CYREN: variants seen among roughly 807,000 people sequenced by gnomAD.
CYREN encodes the protein cell cycle regulator of NHEJ.
In CYREN, 7 loss-of-function variants were observed where a neutral mutation model predicts 9.7. The ratio of observed to expected loss-of-function variants is 0.72; its 90% CI spans 0.41 to 1.36. The LOEUF (loss-of-function observed/expected upper bound fraction) is 1.36, where lower values mean the gene tolerates loss of function less well. Among genes scored for constraint, CYREN ranks in the 40% most tolerant of loss-of-function variants. The probability of loss-of-function intolerance (pLI) is 0.01; values close to 1 mark genes in which losing one functional copy is unlikely to be tolerated. For synonymous variants in CYREN, 76 were observed against 77.9 expected, an observed-to-expected ratio of 0.98 and a Z score of 0.13; for missense variants, 215 against 198.1, an observed-to-expected ratio of 1.09 and a Z score of -0.51.
At chr7:135,097,403 T>C (rs1823066737) in intron 2 of CYREN, among the ~76,000 whole-genome samples, 1 of 152,208 alleles carries the variant, frequency 6.6e-6, no homozygotes, top group Non-Finnish European at 1.5e-5. Context: ...TCTTGATTTC[T>C]ATGAATATTT....
At chr7:135,155,556 T>C (rs1247805417) in intron 2 of CYREN, among the ~76,000 whole-genome samples, 1 of 152,228 alleles carries the variant, frequency 6.6e-6, no homozygotes, top group Non-Finnish European at 1.5e-5. Context: ...TGGCTGGGCA[T>C]CGTGGCTCAT....
chr7:135,108,364 T>C (rs1157568127), intron 2 of CYREN, among the ~76,000 whole-genome samples: 3 of 152,222 alleles, frequency 2.0e-5, no homozygotes, highest in Non-Finnish European at 2.9e-5. Flanking sequence ...TTTCCATATT[T>C]AGTGCTCCTT....
intron 2 of CYREN, among the ~76,000 whole-genome samples, chr7:135,160,660 T>G (rs959172527): frequency 6.6e-6 from 1 of 152,042 alleles, no homozygotes; most frequent in African/African-American, 2.4e-5. Context: ...GCAGCTCTGC[T>G]GTCCTAAGAT....
intron 2 of CYREN, chr7:135,168,019 G>T: frequency 9.2e-6 from 7 of 759,450 alleles, no homozygotes; most frequent in Non-Finnish European, 1.2e-5. Flanking sequence ...CAACACCGGG[G>T]TGCCTCCCAC....
intron 2 of CYREN, chr7:135,147,806 C>T (rs1206363437): frequency 6.6e-6 from 3 of 456,128 alleles, no homozygotes; most frequent in African/African-American, 4.0e-5. Context: ...TTGTGTTTAT[C>T]TTGCAGTTTA....
intron 2 of CYREN, among the ~76,000 whole-genome samples, chr7:135,138,423 C>G (rs1829393499): frequency 6.6e-6 from 1 of 151,614 alleles, no homozygotes; most frequent in African/African-American, 2.4e-5. Flanking sequence ...TTGGGAATAC[C>G]CTGTTACAAA....
intron 2 of CYREN, among the ~76,000 whole-genome samples, chr7:135,155,236 G>A (rs1829761587): frequency 6.6e-6 from 1 of 152,090 alleles, no homozygotes; most frequent in Non-Finnish European, 1.5e-5. Flanking sequence ...TTATGGGTAA[G>A]GTTAGTTTCT....
chr7:135,107,564 G>T (rs1563272973), intron 2 of CYREN, among the ~76,000 whole-genome samples: 1 of 152,078 alleles, frequency 6.6e-6, no homozygotes, highest in Non-Finnish European at 1.5e-5. Context: ...TTTTTATTGT[G>T]CTGTGATCTA....
intron 2 of CYREN, among the ~76,000 whole-genome samples, chr7:135,108,676 G>A (rs1187759177): frequency 1.3e-5 from 2 of 152,024 alleles, no homozygotes; most frequent in Admixed American, 6.5e-5. Context: ...TGTGTCTTGG[G>A]AATGATCTTC....
At chr7:135,142,183 C>T (rs1232488959) in intron 2 of CYREN, among the ~76,000 whole-genome samples, 4 of 152,002 alleles carry the variant, frequency 2.6e-5, no homozygotes, top group Middle Eastern at 3.2e-3. Flanking sequence ...TTGATATGCA[C>T]CATAGATTGA....
chr7:135,104,717 T>C lies in CYREN; in HGVS notation n.357-10135A>G, dbSNP rs180956395. On this transcript the variant is annotated intron_variant and non_coding_transcript_variant, in intron 2 of 2. Transcript: ENST00000459937. ...TTATTTCATATGCCTTTTGGCCACA[T>C]GTATGTCTTCTTTTGAAAAGTGTTC... Among the ~76,000 whole-genome samples the C allele has an allele frequency of 3.0e-4, 45 of 152,310 alleles. 1 individual carries two copies. In the East Asian group the frequency reaches 3.9e-3, roughly 13 times the overall value.
chr7:135,167,048 C>CCCT lies in CYREN; in HGVS notation c.214-180_214-178dup, dbSNP rs1363587878. 6 of 985,086 alleles carry CCCT rather than the reference C, an allele frequency of 6.1e-6. No homozygotes were observed. The African/African-American group carries it at 1.1e-4, about 17-fold the overall frequency. 61.0% of individuals were successfully genotyped at this position (985,086 alleles called of 1,614,324 possible). A position where few individuals can be genotyped will look rare whatever the true frequency, so the allele number is the denominator to read the frequency against. ...CTTCACCCCACTCCTTCCCCTGACCCCCTCTTCACAGCTCTTGAAGAAACC... is the reference window on the plus strand; with the variant it reads ...CTTCACCCCACTCCTTCCCCTGACCCCCTCCTCTTCACAGCTCTTGAAGAAACC... On this transcript the variant is annotated intron_variant, in intron 3 of 3. Transcript: ENST00000393114.
chr7:135,120,698 C>G (rs560861161), intron 2 of CYREN, among the ~76,000 whole-genome samples: 3 of 152,170 alleles, frequency 2.0e-5, no homozygotes, highest in African/African-American at 7.2e-5. Flanking sequence ...TCACAAGAAA[C>G]TCATTTCAAA....
chr7:135,100,998 C>T lies in CYREN; in HGVS notation n.357-6416G>A, dbSNP rs1419853324. Among the ~76,000 whole-genome samples the T allele has an allele frequency of 4.6e-5, 7 of 152,168 alleles. No individual in the cohort carries two copies. The East Asian group carries it at 1.2e-3, about 25-fold the overall frequency. On this transcript the variant is annotated intron_variant and non_coding_transcript_variant, in intron 2 of 2. Transcript: ENST00000459937. ...TTTGCATACCCTGAGGTGTAATATG[C>T]AAATATAACATGGCTATTACATTAC... is the stretch of plus-strand genomic sequence containing the variant.
chr7:135,127,766 G>A (rs1014365485), intron 2 of CYREN, among the ~76,000 whole-genome samples: 3 of 152,156 alleles, frequency 2.0e-5, no homozygotes, highest in Admixed American at 6.5e-5. Flanking sequence ...AGACAGTATG[G>A]CGATTCCTCA....
At chr7:135,112,841 G>A (rs575175588) in intron 2 of CYREN, among the ~76,000 whole-genome samples, 2 of 152,162 alleles carry the variant, frequency 1.3e-5, no homozygotes, top group East Asian at 3.9e-4. Flanking sequence ...GCAGTGATGC[G>A]ATCTTGGCTC....
At chr7:135,116,534 G>C (rs1394798678) in intron 2 of CYREN, among the ~76,000 whole-genome samples, 1 of 152,162 alleles carries the variant, frequency 6.6e-6, no homozygotes. Context: ...AGAGAAAGAG[G>C]TACTTCATTT....
chr7:135,135,771 G>A (rs1829321459), intron 2 of CYREN: 1 of 152,120 alleles, frequency 6.6e-6, no homozygotes, highest in African/African-American at 2.4e-5. Flanking sequence ...AATGATTACA[G>A]AATAAGATAA....
chr7:135,171,902 C>A (rs186910445), upstream of CYREN, among the ~76,000 whole-genome samples: 1 of 152,242 alleles, frequency 6.6e-6, no homozygotes, highest in Non-Finnish European at 1.5e-5. Context: ...AGCAGGCTCC[C>A]GAGAAGGATT....
Sources: gnomAD v4.1 joint callset for allele counts (sites outside exome capture counted in the v4.1 genomes callset) on GRCh38, gnomAD v4.1.1 for gene constraint, MANE v1.5 for transcripts, NCBI Gene and HGNC (gene_info 2026-07-23, HGNC 2026-07-21) for gene names.